The following HDAC9 variants were observed in gnomAD, a reference collection of about 807,000 sequenced individuals.
The protein encoded by HDAC9 is MEF-2 interacting transcription repressor (MITR) protein.
HDAC9 carries 41 observed loss-of-function variants against 139.4 expected under a neutral mutation model. The observed-to-expected ratio is 0.29, with a 90% CI of 0.23 to 0.38. The LOEUF (loss-of-function observed/expected upper bound fraction) is 0.38. HDAC9 is among the 10% of genes least tolerant of loss of function. The pLI, the probability that HDAC9 is intolerant of heterozygous loss-of-function variation, is 1.00. For missense variants in HDAC9, 1,147 were observed against 1,297.0 expected, an observed-to-expected ratio of 0.88 and a Z score of 1.78; for synonymous variants, 517 against 476.2, an observed-to-expected ratio of 1.09 and a Z score of -1.12.
At chr7:18,189,640 T>C (rs1790190588) in intron 2 of HDAC9, among the ~76,000 whole-genome samples, 1 of 152,106 alleles carries the variant, frequency 6.6e-6, no homozygotes, top group Non-Finnish European at 1.5e-5. Flanking sequence ...CACAGGTGCA[T>C]GCCTGTGATT....
intron 25 of HDAC9, among the ~76,000 whole-genome samples, chr7:18,980,724 T>TTCCTTCTTC (rs1432008266): frequency 6.8e-6 from 1 of 146,902 alleles, no homozygotes; most frequent in East Asian, 2.0e-4. Context: ...CCTCTTCTTC[T>TTCCTTCTTC]TCCTTCTTCT....
chr7:18,483,750 A>G (rs368593259), intron 1 of HDAC9, among the ~76,000 whole-genome samples: 2 of 152,168 alleles, frequency 1.3e-5, no homozygotes, highest in South Asian at 2.1e-4. Flanking sequence ...TCTAAAACTG[A>G]TGCTACATTG....
intron 1 of HDAC9, among the ~76,000 whole-genome samples, chr7:18,390,288 G>T (rs1241359029): frequency 1.3e-5 from 2 of 152,080 alleles, no homozygotes; most frequent in Non-Finnish European, 2.9e-5. Context: ...TCACTCCCTG[G>T]AATACACTGA....
At chr7:18,667,970 A>C (rs1230641450) in intron 12 of HDAC9, 16 of 969,850 alleles carry the variant, frequency 1.6e-5, no homozygotes, top group Admixed American at 1.2e-4. Context: ...TTCTATTAAA[A>C]TATTTATATT....
At chr7:18,293,712 A>T (rs1228842587) in intron 1 of HDAC9, among the ~76,000 whole-genome samples, 1 of 152,092 alleles carries the variant, frequency 6.6e-6, no homozygotes, top group African/African-American at 2.4e-5. Flanking sequence ...ACAGATTCAG[A>T]GTGCCATTTA....
At chr7:18,767,637 T>G (rs1431403641) in intron 16 of HDAC9, among the ~76,000 whole-genome samples, 3 of 152,166 alleles carry the variant, frequency 2.0e-5, no homozygotes, top group African/African-American at 7.2e-5. Flanking sequence ...TTGGGGACAT[T>G]TTTGTCTTCA....
chr7:18,752,457 G>A (rs1248642504), intron 14 of HDAC9, among the ~76,000 whole-genome samples: 2 of 152,126 alleles, frequency 1.3e-5, no homozygotes, highest in African/African-American at 2.4e-5. Context: ...AGAGAATCAA[G>A]GCTCAAGGGC....
intron 22 of HDAC9, among the ~76,000 whole-genome samples, chr7:18,909,583 G>C (rs999421065): frequency 1.3e-5 from 2 of 151,978 alleles, no homozygotes; most frequent in Non-Finnish European, 2.9e-5. Context: ...TGAGAGATGG[G>C]AGTCTAGTTT....
intron 21 of HDAC9, among the ~76,000 whole-genome samples, chr7:18,853,386 T>C (rs1797446051): frequency 6.6e-6 from 1 of 152,118 alleles, no homozygotes; most frequent in Non-Finnish European, 1.5e-5. Flanking sequence ...TCTTACCAAT[T>C]CTGAAAAGAA....
chr7:18,713,469 C>T (rs893842806), intron 12 of HDAC9, among the ~76,000 whole-genome samples: 5 of 152,018 alleles, frequency 3.3e-5, no homozygotes, highest in South Asian at 2.1e-4. Flanking sequence ...TTAGCTATTC[C>T]GCAATGTATA....
chr7:18,200,542 C>T (rs1321991507), intron 2 of HDAC9, among the ~76,000 whole-genome samples: 2 of 152,102 alleles, frequency 1.3e-5, no homozygotes, highest in African/African-American at 4.8e-5. Flanking sequence ...CCCAACCAAT[C>T]TATAGTATCA....
At chr7:18,658,899 CAA>C (rs11306117) in intron 11 of HDAC9, among the ~76,000 whole-genome samples, 46 of 118,150 alleles carry the variant, frequency 3.9e-4, no homozygotes, top group African/African-American at 1.0e-3. Context: ...AAAAAAAAAG[CAA>C]AAAAAAAAAA....
intron 14 of HDAC9, among the ~76,000 whole-genome samples, chr7:18,753,107 C>T (rs1262496156): frequency 6.6e-6 from 1 of 151,966 alleles, no homozygotes; most frequent in Non-Finnish European, 1.5e-5. Context: ...GATACAATAC[C>T]GAGTACAAAA....
At chr7:18,775,727 T>A (rs1790710983) in intron 16 of HDAC9, among the ~76,000 whole-genome samples, 1 of 151,866 alleles carries the variant, frequency 6.6e-6, no homozygotes, top group Admixed American at 6.6e-5. Flanking sequence ...TATCTTGTCA[T>A]ACCTATCACT....
At chr7:18,148,111 G>T (rs963877555) in intron 1 of HDAC9, among the ~76,000 whole-genome samples, 1 of 152,098 alleles carries the variant, frequency 6.6e-6, no homozygotes, top group Non-Finnish European at 1.5e-5. Context: ...GAATTGTTGG[G>T]TCACTTACTA....
At chr7:18,964,257 T>C (rs1253147170) in intron 24 of HDAC9, among the ~76,000 whole-genome samples, 3 of 152,206 alleles carry the variant, frequency 2.0e-5, no homozygotes, top group Non-Finnish European at 4.4e-5. Flanking sequence ...CATATATTTT[T>C]TCCTGCTATT....
intron 22 of HDAC9, among the ~76,000 whole-genome samples, chr7:18,883,288 C>T (rs1799869246): frequency 6.6e-6 from 1 of 151,980 alleles, no homozygotes; most frequent in African/African-American, 2.4e-5. Flanking sequence ...AAAAACGTCT[C>T]AACAAAATAC....
intron 1 of HDAC9, among the ~76,000 whole-genome samples, chr7:18,358,889 T>G (rs1328702724): frequency 6.6e-6 from 1 of 152,234 alleles, no homozygotes; most frequent in Non-Finnish European, 1.5e-5. Flanking sequence ...TGAAAAAATT[T>G]ATGCAAAGTA....
At chr7:18,882,135 AAAGT>A (rs1372171002) in intron 22 of HDAC9, among the ~76,000 whole-genome samples, 11 of 152,154 alleles carry the variant, frequency 7.2e-5, no homozygotes, top group Non-Finnish European at 1.5e-4. Context: ...TGATTTTTTT[AAAGT>A]AAGTCAGATG....
Sources: gnomAD v4.1 joint callset for allele counts (sites outside exome capture counted in the v4.1 genomes callset) on GRCh38, gnomAD v4.1.1 for gene constraint, MANE v1.5 for transcripts, NCBI Gene and HGNC (gene_info 2026-07-23, HGNC 2026-07-21) for gene names.